The following BRINP1 variants were observed in gnomAD, a reference collection of about 807,000 sequenced individuals.
BRINP1 encodes BMP/retinoic acid-inducible neural-specific protein 1.
A neutral mutation model predicts 72.9 loss-of-function variants in BRINP1; 17 were observed. The ratio of observed to expected loss-of-function variants is 0.23; its 90% CI spans 0.16 to 0.35. The LOEUF (loss-of-function observed/expected upper bound fraction) is 0.35. BRINP1 is among the 10% of genes least tolerant of loss of function. The probability of loss-of-function intolerance (pLI) is 1.00; values close to 1 mark genes in which losing one functional copy is unlikely to be tolerated. For missense variants in BRINP1, 850 were observed against 1,001.6 expected, an observed-to-expected ratio of 0.85 and a Z score of 2.04; for synonymous variants, 418 against 378.5, an observed-to-expected ratio of 1.10 and a Z score of -1.21.
At chr9:119,184,532 C>T (rs1829595464) in intron 7 of BRINP1, among the ~76,000 whole-genome samples, 1 of 152,158 alleles carries the variant, frequency 6.6e-6, no homozygotes, top group African/African-American at 2.4e-5. Flanking sequence ...TTAATACACA[C>T]TCAGAATAAG....
chr9:119,297,834 TAA>T (rs1336041585), intron 2 of BRINP1, among the ~76,000 whole-genome samples: 3 of 125,612 alleles, frequency 2.4e-5, no homozygotes, highest in Admixed American at 8.2e-5. Flanking sequence ...ATAATAATAA[TAA>T]AATAATAACA....
At chr9:119,243,060 A>T (rs1351599109) in intron 3 of BRINP1, among the ~76,000 whole-genome samples, 3 of 151,056 alleles carry the variant, frequency 2.0e-5, no homozygotes, top group African/African-American at 7.3e-5. Flanking sequence ...ACTGGTGCAA[A>T]TTTTTTTTTA....
chr9:119,268,103 C>A (rs975946482), intron 2 of BRINP1, among the ~76,000 whole-genome samples: 1 of 151,872 alleles, frequency 6.6e-6, no homozygotes. Flanking sequence ...CTTAGCTAGG[C>A]GTGGTGGCAC....
chr9:119,195,161 A>G (rs915450077), intron 7 of BRINP1, among the ~76,000 whole-genome samples: 8 of 152,132 alleles, frequency 5.3e-5, no homozygotes, highest in African/African-American at 1.7e-4. Flanking sequence ...TAGGTAGTCT[A>G]TCTTCTAGAT....
chr9:119,255,433 T>C (rs535370067), intron 2 of BRINP1, among the ~76,000 whole-genome samples: 2 of 152,212 alleles, frequency 1.3e-5, no homozygotes, highest in African/African-American at 2.4e-5. Flanking sequence ...GGGCAGATGA[T>C]GACAGGGCCT....
At chr9:119,273,982 A>G (rs113368066) in intron 2 of BRINP1, among the ~76,000 whole-genome samples, 17 of 152,194 alleles carry the variant, frequency 1.1e-4, no homozygotes, top group African/African-American at 3.4e-4. Context: ...ACCTGGCATA[A>G]GTTGAAGCTG....
chr9:119,181,123 G>A (rs541964861), intron 7 of BRINP1, among the ~76,000 whole-genome samples: 1 of 152,280 alleles, frequency 6.6e-6, no homozygotes, highest in South Asian at 2.1e-4. Flanking sequence ...GAAGGCGCCC[G>A]GAGCTTCTCA....
chr9:119,217,088 G>A (rs570974757), intron 5 of BRINP1, among the ~76,000 whole-genome samples: 16 of 152,212 alleles, frequency 1.1e-4, no homozygotes, highest in Non-Finnish European at 1.5e-4. Context: ...CCATTTCTAC[G>A]GCAGCGGAGG....
At chr9:119,175,997 T>TAATC (rs1230090961) in intron 7 of BRINP1, among the ~76,000 whole-genome samples, 1 of 152,236 alleles carries the variant, frequency 6.6e-6, no homozygotes, top group Non-Finnish European at 1.5e-5. Context: ...TTCACCTTCC[T>TAATC]AATCATTCCC....
chr9:119,252,533 GA>G (rs995511204), intron 2 of BRINP1, among the ~76,000 whole-genome samples: 8 of 150,498 alleles, frequency 5.3e-5, no homozygotes, highest in African/African-American at 1.9e-4. Context: ...TCAGTATATA[GA>G]AAAATATATA....
intron 5 of BRINP1, among the ~76,000 whole-genome samples, chr9:119,233,535 T>C (rs1215683126): frequency 6.6e-6 from 1 of 152,220 alleles, no homozygotes; most frequent in Admixed American, 6.5e-5. Flanking sequence ...GTCCTCCAGC[T>C]GGGCTGAACC....
chr9:119,244,787 G>A (rs144208943), intron 3 of BRINP1, among the ~76,000 whole-genome samples: 2 of 152,234 alleles, frequency 1.3e-5, no homozygotes, highest in East Asian at 1.9e-4. Context: ...TCCCCCTTGG[G>A]CATTCCTGCA....
At chr9:119,333,744 G>A (rs1460194872) in intron 1 of BRINP1, among the ~76,000 whole-genome samples, 1 of 152,112 alleles carries the variant, frequency 6.6e-6, no homozygotes, top group Non-Finnish European at 1.5e-5. Flanking sequence ...ATCCATCTAT[G>A]CATAAGAAAG....
intron 2 of BRINP1, among the ~76,000 whole-genome samples, chr9:119,284,302 G>A (rs1297366463): frequency 1.3e-5 from 2 of 152,172 alleles, no homozygotes; most frequent in Admixed American, 6.5e-5. Flanking sequence ...GCCAGAATCC[G>A]ATGAAGCTGC....
chr9:119,235,576 G>T (rs1830185655), intron 5 of BRINP1, among the ~76,000 whole-genome samples: 2 of 152,028 alleles, frequency 1.3e-5, no homozygotes, highest in Admixed American at 1.3e-4. Context: ...TTTGTTTGAA[G>T]CTCATCTTCT....
chr9:119,222,988 T>G (rs2118887348), intron 5 of BRINP1, among the ~76,000 whole-genome samples: 1 of 152,184 alleles, frequency 6.6e-6, no homozygotes, highest in Non-Finnish European at 1.5e-5. Flanking sequence ...CTGGATCAGC[T>G]GATGTCTTCA....
At chr9:119,241,110 A>G (rs900003763) in intron 4 of BRINP1, among the ~76,000 whole-genome samples, 4 of 152,238 alleles carry the variant, frequency 2.6e-5, no homozygotes, top group African/African-American at 9.6e-5. Context: ...TTGAAAGTCC[A>G]GGGCTGCTTT....
chr9:119,309,500 G>T (rs1831037686), intron 2 of BRINP1, among the ~76,000 whole-genome samples: 1 of 152,100 alleles, frequency 6.6e-6, no homozygotes, highest in African/African-American at 2.4e-5. Context: ...TGGCTATGAG[G>T]AGTTAATGAC....
At chr9:119,218,759 T>G (rs2118882551) in intron 5 of BRINP1, among the ~76,000 whole-genome samples, 1 of 151,326 alleles carries the variant, frequency 6.6e-6, no homozygotes, top group South Asian at 2.1e-4. Context: ...TTTTTTTTTT[T>G]TTTTTGGCTA....
Sources: gnomAD v4.1 joint callset for allele counts (sites outside exome capture counted in the v4.1 genomes callset) on GRCh38, gnomAD v4.1.1 for gene constraint, MANE v1.5 for transcripts, NCBI Gene and HGNC (gene_info 2026-07-23, HGNC 2026-07-21) for gene names.